PDZRN4: variants seen among roughly 807,000 people sequenced by gnomAD.
The protein encoded by PDZRN4 is PDZ domain-containing RING finger protein 4.
PDZRN4 carries 70 observed loss-of-function variants against 99.0 expected under a neutral mutation model. The observed-to-expected ratio is 0.71, with a 90% CI of 0.58 to 0.86. The LOEUF is 0.86. Among genes scored for constraint, PDZRN4 ranks in the 40% least tolerant of loss-of-function variants. PDZRN4 has a pLI of 0.00. For synonymous variants in PDZRN4, 551 were observed against 501.6 expected, an observed-to-expected ratio of 1.10 and a Z score of -1.32; for missense variants, 1,474 against 1,331.2, an observed-to-expected ratio of 1.11 and a Z score of -1.67.
intron 3 of PDZRN4, among the ~76,000 whole-genome samples, chr12:41,449,153 A>G (rs1280975985): frequency 2.0e-5 from 3 of 152,154 alleles, no homozygotes; most frequent in Admixed American, 6.5e-5. Context: ...ATTTTTCTTC[A>G]TCTGAATAAG....
intron 3 of PDZRN4, among the ~76,000 whole-genome samples, chr12:41,464,065 C>T (rs558330797): frequency 2.0e-5 from 3 of 152,222 alleles, no homozygotes; most frequent in East Asian, 1.9e-4. Flanking sequence ...TTTCCAAGCA[C>T]GCCAGGAGAA....
At chr12:41,258,228 T>G (rs1345273881) in intron 3 of PDZRN4, among the ~76,000 whole-genome samples, 3 of 152,230 alleles carry the variant, frequency 2.0e-5, no homozygotes, top group Non-Finnish European at 4.4e-5. Context: ...AAATTTTATG[T>G]TTCTATTTTT....
At chr12:41,554,821 A>ATG (rs146892184) in intron 6 of PDZRN4, among the ~76,000 whole-genome samples, 245 of 148,582 alleles carry the variant, frequency 1.6e-3, no homozygotes, top group Middle Eastern at 0.01. Flanking sequence ...GTGTGTGTGT[A>ATG]TGTGTGTGTG....
At chr12:41,228,155 C>T (rs1951007576) in intron 3 of PDZRN4, among the ~76,000 whole-genome samples, 4 of 152,094 alleles carry the variant, frequency 2.6e-5, no homozygotes, top group Admixed American at 2.6e-4. Flanking sequence ...CTACTTATTA[C>T]AGAACGTTAT....
chr12:41,458,801 G>A (rs1952842417), intron 3 of PDZRN4, among the ~76,000 whole-genome samples: 1 of 152,142 alleles, frequency 6.6e-6, no homozygotes, highest in South Asian at 2.1e-4. Context: ...GGGGCAGAGA[G>A]CTGGCTTGGA....
chr12:41,323,738 T>C (rs1187291365), intron 3 of PDZRN4, among the ~76,000 whole-genome samples: 1 of 151,954 alleles, frequency 6.6e-6, no homozygotes, highest in Non-Finnish European at 1.5e-5. Context: ...TAATAATGAA[T>C]TATAAAATAT....
At chr12:41,306,087 C>G (rs546555361) in intron 3 of PDZRN4, among the ~76,000 whole-genome samples, 38 of 152,172 alleles carry the variant, frequency 2.5e-4, no homozygotes, top group Non-Finnish European at 5.0e-4. Flanking sequence ...TGAAACTTAA[C>G]AAGGCAAATT....
At chr12:41,343,537 T>C (rs1951831490) in intron 3 of PDZRN4, among the ~76,000 whole-genome samples, 1 of 151,904 alleles carries the variant, frequency 6.6e-6, no homozygotes, top group South Asian at 2.1e-4. Context: ...AAAGTTTTTA[T>C]CATGGAAGAA....
At chr12:41,294,785 T>A (rs1951480012) in intron 3 of PDZRN4, among the ~76,000 whole-genome samples, 1 of 152,060 alleles carries the variant, frequency 6.6e-6, no homozygotes, top group Non-Finnish European at 1.5e-5. Context: ...GAAGATAAGG[T>A]TTAAGAGATC....
chr12:41,344,805 G>A (rs1455901786), intron 3 of PDZRN4, among the ~76,000 whole-genome samples: 1 of 148,362 alleles, frequency 6.7e-6, no homozygotes, highest in Admixed American at 6.8e-5. Flanking sequence ...CATAATTATC[G>A]ATAGGGATAT....
intron 3 of PDZRN4, among the ~76,000 whole-genome samples, chr12:41,322,487 C>CTTTTTTTTTTTTTT (rs71081724): frequency 4.4e-5 from 4 of 91,210 alleles, no homozygotes; most frequent in Non-Finnish European, 5.8e-5. Flanking sequence ...ATTTTCTTTC[C>CTTTTTTTTTTTTTT]TTTTTTTTTT....
At chr12:41,315,757 C>T (rs1030253132) in intron 3 of PDZRN4, among the ~76,000 whole-genome samples, 1 of 152,056 alleles carries the variant, frequency 6.6e-6, no homozygotes. Context: ...CTGCCCTTAT[C>T]CTAATTTATT....
intron 5 of PDZRN4, among the ~76,000 whole-genome samples, chr12:41,545,637 A>G (rs1312299260): frequency 6.6e-6 from 1 of 152,046 alleles, no homozygotes; most frequent in Non-Finnish European, 1.5e-5. Context: ...TTCTTGAAAA[A>G]TAATAAAGGA....
rs531051156 is a variant in PDZRN4, at chr12:41,336,702, G to A, written c.843+142514G>A. Among the ~76,000 whole-genome samples the A allele has an allele frequency of 1.2e-3, 189 of 152,184 alleles. 1 individual carries two copies. Among genetic ancestry groups the A allele is most frequent in the African/African-American group, 4.3e-3 (177 of 41,554 alleles). On this transcript the variant is annotated intron_variant, in intron 3 of 9. Coordinates refer to ENST00000402685, the MANE Select transcript of PDZRN4 (RefSeq NM_001164595.2). Reference sequence around the variant, plus strand: ...TCTCCCCAAGCATTCAGGGATCAAAGTTTTTAAAGATAATTTGGTGGGTTG... The same window carrying A: ...TCTCCCCAAGCATTCAGGGATCAAAATTTTTAAAGATAATTTGGTGGGTTG...
At chr12:41,291,517 T>C (rs761469844) in intron 3 of PDZRN4, among the ~76,000 whole-genome samples, 1 of 152,196 alleles carries the variant, frequency 6.6e-6, no homozygotes, top group Non-Finnish European at 1.5e-5. Context: ...AATTTGAAAG[T>C]ACTCAATAAA....
At chr12:41,372,252 T>C (rs957234368) in intron 3 of PDZRN4, among the ~76,000 whole-genome samples, 5 of 152,172 alleles carry the variant, frequency 3.3e-5, no homozygotes, top group Non-Finnish European at 7.3e-5. Context: ...AAACCAGTTA[T>C]ATAAAATGTG....
At chr12:41,500,466 T>G (rs1938090246) in intron 3 of PDZRN4, among the ~76,000 whole-genome samples, 1 of 152,128 alleles carries the variant, frequency 6.6e-6, no homozygotes, top group Non-Finnish European at 1.5e-5. Context: ...AGCGGAACAC[T>G]GGACTAAATG....
intron 3 of PDZRN4, among the ~76,000 whole-genome samples, chr12:41,312,694 T>C (rs969782126): frequency 1.3e-5 from 2 of 152,136 alleles, no homozygotes; most frequent in African/African-American, 4.8e-5. Flanking sequence ...ACTTATTCAC[T>C]ATTACTAGAA....
intron 8 of PDZRN4, 87 bp downstream of exon 8, chr12:41,563,736 T>TC: frequency 4.0e-5 from 35 of 865,914 alleles, no homozygotes; most frequent in Non-Finnish European, 6.2e-5. Context: ...TTATATTCAT[T>TC]ATCTGCTATT....
Sources: gnomAD v4.1 joint callset for allele counts (sites outside exome capture counted in the v4.1 genomes callset) on GRCh38, gnomAD v4.1.1 for gene constraint, MANE v1.5 for transcripts, NCBI Gene and HGNC (gene_info 2026-07-23, HGNC 2026-07-21) for gene names.